The following JCAD variants were observed in gnomAD, a reference collection of about 807,000 sequenced individuals.
JCAD encodes the protein junctional cadherin 5 associated.
Under a neutral mutation model 98.0 loss-of-function variants are expected in JCAD, and 40 were observed. The ratio of observed to expected loss-of-function variants is 0.41; its 90% CI spans 0.32 to 0.53. The LOEUF (loss-of-function observed/expected upper bound fraction) is 0.53. Among genes scored for constraint, JCAD ranks in the 20% least tolerant of loss-of-function variants. The probability of loss-of-function intolerance (pLI) is 0.31; values close to 1 mark genes in which losing one functional copy is unlikely to be tolerated. For missense variants in JCAD, 1,705 were observed against 1,738.1 expected, an observed-to-expected ratio of 0.98 and a Z score of 0.34; for synonymous variants, 691 against 682.3, an observed-to-expected ratio of 1.01 and a Z score of -0.20.
rs34594193 is a variant in JCAD, at chr10:30,027,571, ACTG to A, written c.2574_2576del (p.Ser859del). 5.3e-4 allele frequency: 834 copies of A among 1,587,192 alleles called. 1 individual carries two copies. The highest frequency in any genetic ancestry group is 4.0e-3 in the African/African-American group (290 of 73,292). On this transcript the variant is annotated inframe_deletion, in exon 3 of 4. Transcript: ENST00000375377. Reference sequence around the variant, plus strand: ...GCTGCGGCTCCGCCTCACTCTCCTCACTGCTGCTGCTGCTGCTGCTGCTGCTAC... The same window carrying A: ...GCTGCGGCTCCGCCTCACTCTCCTCACTGCTGCTGCTGCTGCTGCTGCTAC...
chr10:30,103,857 G>A (rs764008481), intron 1 of JCAD, among the ~76,000 whole-genome samples: 3 of 150,308 alleles, frequency 2.0e-5, no homozygotes, highest in South Asian at 2.1e-4. Flanking sequence ...TCAGCCTCCC[G>A]AGTAGCTGGG....
chr10:30,092,125 TA>T lies in JCAD; in HGVS notation n.129-22305del, dbSNP rs775484783. ...ATATATATATATATATATATATATATAAAAAACATTTTAACTCTTTGCAAGA... is the reference window on the plus strand; with the variant it reads ...ATATATATATATATATATATATATATAAAAACATTTTAACTCTTTGCAAGA... On this transcript the variant is annotated intron_variant and non_coding_transcript_variant, in intron 1 of 2. Transcript: ENST00000465712. 5.7e-5 allele frequency among the ~76,000 whole-genome samples: 6 copies of T among 104,926 alleles called. No homozygotes were observed. In the East Asian group the frequency reaches 1.2e-3, roughly 20 times the overall value. The allele number at this position is 104,926 out of a possible 152,430, so 68.8% of individuals were successfully genotyped here.
At chr10:30,047,156 G>A (rs896250390) in intron 2 of JCAD, among the ~76,000 whole-genome samples, 39 of 152,050 alleles carry the variant, frequency 2.6e-4, no homozygotes, top group African/African-American at 9.2e-4. Flanking sequence ...GGCAGATCAC[G>A]AGGTCAGGAG....
chr10:30,065,327 G>C (rs1263485066), intron 2 of JCAD, among the ~76,000 whole-genome samples: 8 of 151,918 alleles, frequency 5.3e-5, no homozygotes, highest in Non-Finnish European at 8.8e-5. Context: ...TTGATTATAT[G>C]AATTTATCAA....
chr10:30,033,427 G>T (rs1837043111), intron 2 of JCAD, among the ~76,000 whole-genome samples: 1 of 152,192 alleles, frequency 6.6e-6, no homozygotes, highest in Non-Finnish European at 1.5e-5. Flanking sequence ...AGATCATGGG[G>T]TGTTGTGTGA....
chr10:30,054,873 G>T (rs1238975029), intron 1 of JCAD, among the ~76,000 whole-genome samples: 1 of 151,988 alleles, frequency 6.6e-6, no homozygotes, highest in Non-Finnish European at 1.5e-5. Context: ...GTTTCACCGT[G>T]TTAGCCAGGA....
At chr10:30,038,394 CAA>C (rs902126759) in intron 2 of JCAD, among the ~76,000 whole-genome samples, 3 of 152,038 alleles carry the variant, frequency 2.0e-5, no homozygotes, top group Admixed American at 2.0e-4. Flanking sequence ...GTAGCGAAGA[CAA>C]AGAGAGAGCC....
intron 1 of JCAD, among the ~76,000 whole-genome samples, chr10:30,099,981 A>C (rs1838441924): frequency 6.6e-6 from 1 of 152,076 alleles, no homozygotes; most frequent in Admixed American, 6.6e-5. Context: ...CCACTCACCC[A>C]GTCACTCTCT....
Position 30,029,438 on chromosome 10 carries a change from G to C in JCAD, c.710C>G (p.Ser237Cys), listed in dbSNP as rs751601765. 6.8e-6 allele frequency: 11 copies of C among 1,614,054 alleles called. No homozygotes were observed. In the South Asian group the frequency reaches 1.2e-4, roughly 18 times the overall value. ...GKSRSLPRVL[S>C]PESLSCTEIP... The stretch of plus-strand genomic sequence containing the variant: ...TTCCGTGCAACTCAGGCTCTCGGGG[G>C]AAAGAACTCTAGGCAGTGAGCGAGA... The change falls in exon 3 of 4, where the codon TCC becomes TGC. Residue 237 changes from serine to cysteine, a missense_variant. Around this residue, in one of 3 missense-constraint regions of JCAD, gnomAD observed 275 missense variants for 346.9 expected, o/e 0.79. Transcript: ENST00000375377.
chr10:30,088,384 T>A (rs1174325178), intron 1 of JCAD, among the ~76,000 whole-genome samples: 1 of 152,114 alleles, frequency 6.6e-6, no homozygotes, highest in East Asian at 1.9e-4. Context: ...CAGAGCCTGA[T>A]GGTCTCAGCC....
At position 30,028,359 on chromosome 10, in the gene JCAD, C is replaced by T. The variant is rs1564444018; in HGVS notation, c.1789G>A (p.Asp597Asn). The change falls in exon 3 of 4, where the codon GAT becomes AAT. Residue 597 changes from aspartate to asparagine, a missense_variant. Physicochemically the swap from Asp to Asn is conservative, Grantham distance 23. This residue lies in a region of JCAD where 1,278 missense variants were observed against 1,243.1 expected (regional missense o/e 1.03). Transcript: ENST00000375377. The part of the protein sequence containing the change: ...VKSESHLPDR[D>N]MDNNDLKPSA... ...GGCTTTAAGTCATTGTTGTCCATAT[C>T]TCTATCTGGCAGATGTGATTCTGAT... 1 of 1,614,222 alleles carries T rather than the reference C, an allele frequency of 6.2e-7. No homozygotes were observed. The highest frequency in any genetic ancestry group is 1.7e-5 in the Admixed American group (1 of 60,026).
intron 2 of JCAD, among the ~76,000 whole-genome samples, chr10:30,031,841 G>C (rs1243148136): frequency 7.4e-6 from 1 of 134,456 alleles, no homozygotes; most frequent in Non-Finnish European, 1.5e-5. Flanking sequence ...TGCAAGCTCC[G>C]CCTCCCGTGT....
chr10:30,047,474 T>C (rs1837365324), intron 2 of JCAD, 58 bp downstream of exon 2: 1 of 1,555,804 alleles, frequency 6.4e-7, no homozygotes, highest in Non-Finnish European at 8.7e-7. Context: ...TACCTACACA[T>C]CACCCACCGC....
At chr10:30,037,029 C>T (rs1459086865) in intron 2 of JCAD, among the ~76,000 whole-genome samples, 2 of 152,196 alleles carry the variant, frequency 1.3e-5, no homozygotes, top group African/African-American at 4.8e-5. Flanking sequence ...AGAAACTGAC[C>T]GCCAAGGCTG....
chr10:30,029,724 C>A lies in JCAD; in HGVS notation c.424G>T (p.Ala142Ser). ...ENLEARGMAQ[A>S]HSLPVHVREG... The stretch of plus-strand genomic sequence containing the variant: ...CTCACGTGGACAGGCAGGCTGTGGG[C>A]TTGGGCCATTCCTCTGGCCTCCAGG... The change falls in exon 3 of 4, where the codon GCC becomes TCC. Residue 142 changes from alanine (A) to serine (S), a missense_variant. By Grantham distance (99) the Ala-to-Ser change is moderately conservative. Around this residue, in one of 3 missense-constraint regions of JCAD, gnomAD observed 275 missense variants for 346.9 expected, o/e 0.79. Coordinates refer to ENST00000375377, the MANE Select transcript of JCAD (RefSeq NM_020848.4). 6.2e-7 allele frequency: 1 copy of A among 1,614,252 alleles called. No individual in the cohort carries two copies. Among genetic ancestry groups the A allele is most frequent in the Non-Finnish European group, 8.5e-7 (1 of 1,180,042 alleles).
intron 3 of JCAD, among the ~76,000 whole-genome samples, chr10:30,025,073 T>C (rs1393006867): frequency 6.6e-6 from 1 of 152,196 alleles, no homozygotes; most frequent in African/African-American, 2.4e-5. Context: ...TTCAAAATTC[T>C]TGGGTTTCAA....
chr10:30,031,750 ATTTT>A (rs1177691710), intron 2 of JCAD, among the ~76,000 whole-genome samples: 2 of 63,372 alleles, frequency 3.2e-5, no homozygotes, highest in Non-Finnish European at 2.8e-5. Flanking sequence ...CCCCATCTGT[ATTTT>A]TTTTTTTTTT....
intron 1 of JCAD, among the ~76,000 whole-genome samples, chr10:30,105,622 C>G (rs1467775567): frequency 6.6e-6 from 1 of 152,158 alleles, no homozygotes; most frequent in African/African-American, 2.4e-5. Context: ...CAAACCCAAC[C>G]CTTTCTGCCT....
At position 30,028,175 on chromosome 10, in the gene JCAD, T is replaced by C. The variant is rs746691228; in HGVS notation, c.1973A>G (p.Asp658Gly). 1.1e-5 allele frequency: 18 copies of C among 1,614,202 alleles called. No individual in the cohort carries two copies. The highest frequency in any genetic ancestry group is 3.4e-6 in the Non-Finnish European group (4 of 1,180,040). The change falls in exon 3 of 4, where the codon GAC becomes GGC. Residue 658 changes from aspartate (D) to glycine (G), a missense_variant. Transcript: ENST00000375377. ...QKQDLGEPEE[D>G]RQTNDLSFIH... ...GAAACTGAGGTCATTTGTTTGTCTG[T>C]CTTCTTCTGGTTCCCCTAGATCTTG...
Sources: allele counts gnomAD v4.1 joint callset (sites outside exome capture counted in the v4.1 genomes callset), GRCh38; gene constraint gnomAD v4.1.1; regional missense constraint gnomAD v4.1.1; transcripts MANE v1.5; gene names NCBI Gene and HGNC (gene_info 2026-07-23, HGNC 2026-07-21).